Variants in SLC35D4 observed in about 807,000 individuals in gnomAD.
SLC35D4 encodes UDP-N-acetylglucosamine transporter SLC35D4.
the SLC35D4 span, among the ~76,000 whole-genome samples, chr18:23,371,926 G>GTTTTTTTTTTTTTTTTTTTTTTT: frequency 1.7e-4 from 2 of 11,862 alleles, no homozygotes; most frequent in African/African-American, 5.4e-4. Context: ...TTTCTTCCTT[G>GTTTTTTTTTTTTTTTTTTTTTTT]TTTTTTTTGT....
chr18:23,396,643 A>G, the SLC35D4 span, among the ~76,000 whole-genome samples: 1 of 152,068 alleles, frequency 6.6e-6, no homozygotes, highest in East Asian at 1.9e-4. Context: ...AGCAGGGTGC[A>G]TGGCCCGTGT....
At chr18:23,258,901 C>T in the SLC35D4 span, 1 of 150,248 alleles carries the variant, frequency 6.7e-6, no homozygotes, top group Non-Finnish European at 1.5e-5. Context: ...GAATACTTGG[C>T]TTCTTCAGAA....
chr18:23,379,109 G>A, the SLC35D4 span, among the ~76,000 whole-genome samples: 2 of 150,978 alleles, frequency 1.3e-5, no homozygotes, highest in African/African-American at 4.9e-5. Context: ...TATGATAAAT[G>A]TGTTACTCAA....
chr18:23,250,228 A>C, the SLC35D4 span, among the ~76,000 whole-genome samples: 150 of 152,330 alleles, frequency 9.8e-4, no homozygotes, highest in Middle Eastern at 3.4e-3. Flanking sequence ...CAGGCCCCCA[A>C]CAAAGGCAGA....
the SLC35D4 span, among the ~76,000 whole-genome samples, chr18:23,275,565 C>G: frequency 6.6e-6 from 1 of 150,426 alleles, no homozygotes; most frequent in Non-Finnish European, 1.5e-5. Flanking sequence ...CAGGTCCTCA[C>G]AGCCTCTTCA....
chr18:23,285,483 T>C, the SLC35D4 span, among the ~76,000 whole-genome samples: 1 of 152,166 alleles, frequency 6.6e-6, no homozygotes, highest in Non-Finnish European at 1.5e-5. Context: ...AATTTTTCCA[T>C]CCTACAAGTT....
the SLC35D4 span, among the ~76,000 whole-genome samples, chr18:23,247,800 C>T: frequency 3.9e-5 from 6 of 152,212 alleles, no homozygotes; most frequent in East Asian, 7.7e-4. Flanking sequence ...GACAGAAGGC[C>T]GGGATGCAGA....
At chr18:23,351,886 C>T in the SLC35D4 span, among the ~76,000 whole-genome samples, 4 of 152,328 alleles carry the variant, frequency 2.6e-5, no homozygotes, top group African/African-American at 9.6e-5. Flanking sequence ...CTTCCTTTCT[C>T]TATCACCTTG....
At chr18:23,328,805 A>G in the SLC35D4 span, among the ~76,000 whole-genome samples, 1 of 152,240 alleles carries the variant, frequency 6.6e-6, no homozygotes, top group African/African-American at 2.4e-5. Context: ...ACTTCAAACT[A>G]TACTACAAGG....
At chr18:23,306,860 G>A in the SLC35D4 span, among the ~76,000 whole-genome samples, 1 of 152,182 alleles carries the variant, frequency 6.6e-6, no homozygotes, top group Non-Finnish European at 1.5e-5. Flanking sequence ...GAAGACCAGT[G>A]AGCAGCAACA....
chr18:23,295,782 C>T, the SLC35D4 span, among the ~76,000 whole-genome samples: 9 of 152,268 alleles, frequency 5.9e-5, no homozygotes, highest in South Asian at 1.0e-3. Flanking sequence ...ATGGACAAGG[C>T]GTATTTCCCG....
At chr18:23,324,015 G>A in the SLC35D4 span, among the ~76,000 whole-genome samples, 167 of 150,696 alleles carry the variant, frequency 1.1e-3, no homozygotes, top group African/African-American at 3.8e-3. Context: ...CCCAGGAGGC[G>A]GAGGTTGCAG....
At chr18:23,252,941 G>T in the SLC35D4 span, 2 of 1,530,140 alleles carry the variant, frequency 1.3e-6, no homozygotes, top group South Asian at 2.2e-5. Flanking sequence ...AGTGATCCGT[G>T]TTCCCCTGTC....
the SLC35D4 span, among the ~76,000 whole-genome samples, chr18:23,266,465 G>T: frequency 6.6e-6 from 1 of 151,488 alleles, no homozygotes; most frequent in Non-Finnish European, 1.5e-5. Context: ...GCACAGATAG[G>T]TGCCTAGGGC....
chr18:23,275,838 G>C, the SLC35D4 span, among the ~76,000 whole-genome samples: 1 of 152,232 alleles, frequency 6.6e-6, no homozygotes, highest in East Asian at 1.9e-4. Flanking sequence ...AAAGGGCTGA[G>C]AGACCCAAGA....
chr18:23,252,216 A>T, the SLC35D4 span, among the ~76,000 whole-genome samples: 1 of 152,146 alleles, frequency 6.6e-6, no homozygotes, highest in African/African-American at 2.4e-5. Context: ...AGCTGGAGGG[A>T]GTGGATGGGG....
the SLC35D4 span, among the ~76,000 whole-genome samples, chr18:23,268,786 CTGTGCGTGTGTG>C: frequency 8.1e-5 from 12 of 147,418 alleles, no homozygotes; most frequent in East Asian, 1.9e-4. Flanking sequence ...TGTCTGCCTG[CTGTGCGTGTGTG>C]TGTGCGTGTG....
the SLC35D4 span, among the ~76,000 whole-genome samples, chr18:23,269,896 A>T: frequency 3.9e-5 from 6 of 152,218 alleles, no homozygotes; most frequent in Admixed American, 1.3e-4. Flanking sequence ...ATTCAAGAGG[A>T]AGCAGAGCAA....
At chr18:23,294,418 T>C in the SLC35D4 span, among the ~76,000 whole-genome samples, 3 of 152,134 alleles carry the variant, frequency 2.0e-5, no homozygotes, top group African/African-American at 4.8e-5. Context: ...AATTTGGGCA[T>C]AGAAGATGGT....
Sources: allele counts gnomAD v4.1 joint callset (sites outside exome capture counted in the v4.1 genomes callset), GRCh38; gene constraint gnomAD v4.1.1; transcripts MANE v1.5; gene names NCBI Gene and HGNC (gene_info 2026-07-23, HGNC 2026-07-21).